Variants in GRIN2B observed in about 807,000 individuals in gnomAD.
GRIN2B encodes glutamate ionotropic receptor NMDA type subunit 2B.
In GRIN2B, 5 loss-of-function variants were observed where a neutral mutation model predicts 114.5. The observed-to-expected ratio is 0.04, with a 90% CI of 0.02 to 0.09. The LOEUF is 0.09. Among genes scored for constraint, GRIN2B ranks in the 10% least tolerant of loss-of-function variants. GRIN2B has a pLI of 1.00. For synonymous variants in GRIN2B, 787 were observed against 745.1 expected (o/e 1.06, Z -0.92); for missense variants, 1,108 against 1,943.5 (o/e 0.57, Z 8.08).
At chr12:13,626,222 C>A (rs866529924) in intron 5 of GRIN2B, among the ~76,000 whole-genome samples, 29 of 152,328 alleles carry the variant, frequency 1.9e-4, no homozygotes, top group African/African-American at 6.3e-4. Flanking sequence ...CAGTGAGGAA[C>A]CACTCAAACA....
At chr12:13,825,500 G>GTA in intron 3 of GRIN2B, among the ~76,000 whole-genome samples, 1 of 116,416 alleles carries the variant, frequency 8.6e-6, no homozygotes, top group South Asian at 3.1e-4. Flanking sequence ...TATATTTTGT[G>GTA]TGTGTGTGTG....
At chr12:13,878,143 A>G (rs1286794399) in intron 2 of GRIN2B, among the ~76,000 whole-genome samples, 1 of 151,888 alleles carries the variant, frequency 6.6e-6, no homozygotes, top group Non-Finnish European at 1.5e-5. Flanking sequence ...TGTTTGGACT[A>G]TATGGTAAAC....
intron 2 of GRIN2B, among the ~76,000 whole-genome samples, chr12:13,887,487 G>A (rs1356388277): frequency 2.0e-5 from 3 of 152,024 alleles, no homozygotes; most frequent in African/African-American, 7.3e-5. Flanking sequence ...GGATTACAAG[G>A]CACAGAATTC....
intron 3 of GRIN2B, among the ~76,000 whole-genome samples, chr12:13,771,021 C>T (rs1199031662): frequency 6.6e-6 from 1 of 152,196 alleles, no homozygotes; most frequent in African/African-American, 2.4e-5. Context: ...TCTGTCCCCA[C>T]CCAAATCTCA....
intron 10 of GRIN2B, among the ~76,000 whole-genome samples, chr12:13,605,632 A>G (rs950238804): frequency 6.6e-6 from 1 of 151,176 alleles, no homozygotes; most frequent in Non-Finnish European, 1.5e-5. Flanking sequence ...CTTTTAGAAC[A>G]TAATGAACAC....
chr12:13,979,528 G>GGA (rs1263073742), intron 2 of GRIN2B, among the ~76,000 whole-genome samples: 1 of 101,822 alleles, frequency 9.8e-6, no homozygotes, highest in Middle Eastern at 5.2e-3. Flanking sequence ...AAGCCAACCT[G>GGA]AAAAAAAAAA....
At chr12:13,764,881 C>T (rs796809955) in intron 3 of GRIN2B, among the ~76,000 whole-genome samples, 6 of 152,354 alleles carry the variant, frequency 3.9e-5, no homozygotes, top group African/African-American at 1.4e-4. Context: ...CTGGAGTACA[C>T]AGTCACTGTT....
At chr12:13,755,821 G>C (rs1335564627) in intron 3 of GRIN2B, among the ~76,000 whole-genome samples, 1 of 152,154 alleles carries the variant, frequency 6.6e-6, no homozygotes, top group African/African-American at 2.4e-5. Flanking sequence ...ATGGTATCAA[G>C]AGATGAGTGA....
chr12:13,965,694 A>G (rs1720872601), intron 2 of GRIN2B, among the ~76,000 whole-genome samples: 1 of 152,188 alleles, frequency 6.6e-6, no homozygotes. Flanking sequence ...AATTTCTCAT[A>G]TAACTAAAGT....
In GRIN2B at chr12:13,857,805, T is replaced by C. The variant is rs185057102; in HGVS notation, c.411+7993A>G. On this transcript the variant is annotated intron_variant, in intron 3 of 13. Coordinates refer to ENST00000609686, the MANE Select transcript of GRIN2B (RefSeq NM_000834.5). Reference sequence around the variant, plus strand: ...CGTCCACAGAGTTGCCCATGTGACATTGTTTGGGCTCATGAAATCAAGGAT... The same window carrying C: ...CGTCCACAGAGTTGCCCATGTGACACTGTTTGGGCTCATGAAATCAAGGAT... 3.9e-5 allele frequency among the ~76,000 whole-genome samples: 6 copies of C among 152,290 alleles called. No individual in the cohort carries two copies. In the East Asian group the frequency reaches 1.2e-3, roughly 29 times the overall value.
At chr12:13,833,337 C>G (rs1173543721) in intron 3 of GRIN2B, among the ~76,000 whole-genome samples, 1 of 152,140 alleles carries the variant, frequency 6.6e-6, no homozygotes, top group African/African-American at 2.4e-5. Context: ...GAGATGAATA[C>G]CCTAGAACCT....
rs571552717 is a variant in GRIN2B at position 13,840,003 on chromosome 12, G to A, written c.411+25795C>T. 3.9e-5 allele frequency among the ~76,000 whole-genome samples: 6 copies of A among 152,296 alleles called. No individual in the cohort carries two copies. In the South Asian group the frequency reaches 1.0e-3, roughly 26 times the overall value. On this transcript the variant is annotated intron_variant, in intron 3 of 13. Coordinates refer to ENST00000609686, the MANE Select transcript of GRIN2B (RefSeq NM_000834.5). ...TGAATCTTTTGGAATAAAATGTAAT[G>A]TTTCTCCCCACCTAGCTAGAAGGAG... is the stretch of plus-strand genomic sequence containing the variant.
chr12:13,847,279 T>G (rs1865487252), intron 3 of GRIN2B, among the ~76,000 whole-genome samples: 1 of 152,182 alleles, frequency 6.6e-6, no homozygotes. Context: ...AGGCCCCCAC[T>G]ATGACCAAGC....
chr12:13,967,059 C>T (rs1867800698), intron 2 of GRIN2B, among the ~76,000 whole-genome samples: 1 of 152,166 alleles, frequency 6.6e-6, no homozygotes, highest in African/African-American at 2.4e-5. Flanking sequence ...CAGCAAGGAG[C>T]TGAGGAAGTA....
chr12:13,625,248 T>A (rs1481724786), intron 5 of GRIN2B, among the ~76,000 whole-genome samples: 1 of 152,234 alleles, frequency 6.6e-6, no homozygotes, highest in African/African-American at 2.4e-5. Context: ...CACGCTATGT[T>A]ACCAAGAGAA....
chr12:13,921,730 C>A (rs1866827926), intron 2 of GRIN2B, among the ~76,000 whole-genome samples: 1 of 152,084 alleles, frequency 6.6e-6, no homozygotes, highest in Non-Finnish European at 1.5e-5. Flanking sequence ...TTTTCTTAGC[C>A]TACTGGGATG....
rs1805247 is a variant in GRIN2B, at chr12:13,563,041, A to G, written c.4197T>C (p.His1399=). ...GCCTGAAGAAGTAGGATTTGCTGCC[A>G]TGGAGCAAGCACTGGTCGTCCCCAA... ...PTFGDDQCLL[H]GSKSYFFRQP... Residue 1399 remains histidine, a synonymous_variant, in exon 14 of 14, where the codon CAT becomes CAC. Coordinates refer to ENST00000609686, the MANE Select transcript of GRIN2B (RefSeq NM_000834.5). 0.11 allele frequency: 171,303 copies of G among 1,613,904 alleles called. 12,512 individuals carry two copies. The highest frequency in any genetic ancestry group is 0.34 in the African/African-American group (25,329 of 74,976).
At position 13,544,922 on chromosome 12, in the gene GRIN2B, C is replaced by T. The variant is rs970285829; in HGVS notation, c.*17861G>A. Reference sequence around the variant, plus strand: ...CACAGCAGTCCCAAAGCTTCCTCTTCAACTGAAGTCAGATCATATCACTCT... The same window carrying T: ...CACAGCAGTCCCAAAGCTTCCTCTTTAACTGAAGTCAGATCATATCACTCT... On this transcript the variant is annotated 3_prime_UTR_variant, in exon 14 of 14. Coordinates refer to ENST00000609686, the MANE Select transcript of GRIN2B (RefSeq NM_000834.5). 8.5e-5 allele frequency: 13 copies of T among 152,258 alleles called. No homozygotes were observed. Among genetic ancestry groups the T allele is most frequent in the African/African-American group, 2.9e-4 (12 of 41,450 alleles). 9.4% of individuals were successfully genotyped at this position (152,258 alleles called of 1,614,324 possible). A position where few individuals can be genotyped will look rare whatever the true frequency, so the allele number is the denominator to read the frequency against.
Position 13,955,606 on chromosome 12 carries a change from T to C in GRIN2B, c.-19+24322A>G, listed in dbSNP as rs78059343. On this transcript the variant is annotated intron_variant, in intron 2 of 13. Coordinates refer to ENST00000609686, the MANE Select transcript of GRIN2B (RefSeq NM_000834.5). ...TATTCTACTCAGCTAAAGTCAGTTA[T>C]GCATCCAAATAATTTTGAGATGAAA... Among the ~76,000 whole-genome samples, 16 of 152,320 alleles carry C rather than the reference T, an allele frequency of 1.1e-4. No individual in the cohort carries two copies. In the East Asian group the frequency reaches 3.1e-3, roughly 29 times the overall value.
Sources: gnomAD v4.1 joint callset for allele counts (sites outside exome capture counted in the v4.1 genomes callset) on GRCh38, gnomAD v4.1.1 for gene constraint, MANE v1.5 for transcripts, NCBI Gene and HGNC (gene_info 2026-07-23, HGNC 2026-07-21) for gene names.